Variants in ADCY1 observed in about 807,000 individuals in gnomAD.
ADCY1 encodes adenylate cyclase 1.
In ADCY1, 28 loss-of-function variants were observed where a neutral mutation model predicts 105.4. The observed-to-expected ratio is 0.27, with a 90% CI of 0.20 to 0.36. The LOEUF (loss-of-function observed/expected upper bound fraction) is 0.36. Ranked by LOEUF, ADCY1 falls within the 10% of genes least tolerant of loss-of-function variation. ADCY1 has a pLI of 1.00. For missense variants in ADCY1, 977 were observed against 1,434.2 expected (o/e 0.68, Z 5.15); for synonymous variants, 655 against 623.8 (o/e 1.05, Z -0.75).
Position 45,715,213 on chromosome 7 carries a change from T to C in ADCY1, c.*1218T>C, listed in dbSNP as rs1341424208. 1 of 152,270 alleles carries C rather than the reference T, an allele frequency of 6.6e-6. No homozygotes were observed. The highest frequency in any genetic ancestry group is 1.5e-5 in the Non-Finnish European group (1 of 68,124). 9.4% of individuals were successfully genotyped at this position (152,270 alleles called of 1,614,324 possible). ...CAGGAGGGCCACTGGGAAGGCACTA[T>C]CCAGAAATAGTGGACAGAGGTCTGG... On this transcript the variant is annotated 3_prime_UTR_variant, in exon 20 of 20. Coordinates refer to ENST00000297323, the MANE Select transcript of ADCY1 (RefSeq NM_021116.4).
chr7:45,623,346 G>A (rs1793957816), intron 4 of ADCY1, among the ~76,000 whole-genome samples: 1 of 152,230 alleles, frequency 6.6e-6, no homozygotes, highest in Non-Finnish European at 1.5e-5. Context: ...GGCTTGTAAC[G>A]TGCATGTTAG....
intron 14 of ADCY1, among the ~76,000 whole-genome samples, chr7:45,702,959 G>A (rs1490173972): frequency 6.6e-6 from 1 of 152,212 alleles, no homozygotes; most frequent in Non-Finnish European, 1.5e-5. Flanking sequence ...TTAGGAAGGT[G>A]TCTGCCCCAC....
intron 14 of ADCY1, among the ~76,000 whole-genome samples, chr7:45,700,551 C>G (rs1168889716): frequency 6.6e-6 from 1 of 152,178 alleles, no homozygotes; most frequent in Non-Finnish European, 1.5e-5. Flanking sequence ...GTGTGCACCT[C>G]AGGACACTGG....
Position 45,713,821 on chromosome 7 carries a change from C to A in ADCY1, c.3186C>A (p.Gly1062=), listed in dbSNP as rs777093653. The A allele has an allele frequency of 6.4e-6, 5 of 780,950 alleles. No homozygotes were observed. In the Admixed American group the frequency reaches 8.5e-5, roughly 13 times the overall value. 48.4% of individuals were successfully genotyped at this position (780,950 alleles called of 1,614,324 possible). A position where few individuals can be genotyped will look rare whatever the true frequency, so the allele number is the denominator to read the frequency against. The change falls in exon 20 of 20, where the codon GGC becomes GGA. Residue 1062 remains glycine, a synonymous_variant. Coordinates refer to ENST00000297323, the MANE Select transcript of ADCY1 (RefSeq NM_021116.4). ...YFLEGRTDGN[G]SQIRSLGLDR... ...TAGAAGGCAGGACTGATGGAAACGG[C>A]TCCCAAATCAGGTCCCTGGGCTTGG...
At chr7:45,675,522 T>G (rs1460238660) in intron 8 of ADCY1, among the ~76,000 whole-genome samples, 2 of 152,124 alleles carry the variant, frequency 1.3e-5, no homozygotes, top group Non-Finnish European at 2.9e-5. Flanking sequence ...CTTTTTTGTT[T>G]CAAGAATTTC....
At chr7:45,693,518 T>C (rs1784821737) in intron 14 of ADCY1, among the ~76,000 whole-genome samples, 1 of 147,002 alleles carries the variant, frequency 6.8e-6, no homozygotes, top group Non-Finnish European at 1.5e-5. Context: ...CAGAGCCTGT[T>C]ATTGGTCTAT....
intron 14 of ADCY1, among the ~76,000 whole-genome samples, chr7:45,692,778 A>C (rs375252270): frequency 6.6e-6 from 1 of 152,338 alleles, no homozygotes; most frequent in African/African-American, 2.4e-5. Context: ...ATGTATACAT[A>C]TAGGAAACCA....
rs1013749326 is a variant in ADCY1 at position 45,721,528 on chromosome 7, C to T, written c.*7533C>T. 1.0e-5 allele frequency: 4 copies of T among 396,630 alleles called. No individual in the cohort carries two copies. The highest frequency in any genetic ancestry group is 1.3e-5 in the Non-Finnish European group (3 of 225,414). The allele number at this position is 396,630 out of a possible 1,614,324, so 24.6% of individuals were successfully genotyped here. On this transcript the variant is annotated 3_prime_UTR_variant, in exon 20 of 20. Coordinates refer to ENST00000297323, the MANE Select transcript of ADCY1 (RefSeq NM_021116.4). ...GGCACCTCCAGACACCCTGAAACTA[C>T]ACACCATTTCTTCCCTGCTCAGCTT...
chr7:45,623,485 G>T (rs188291280), intron 4 of ADCY1, among the ~76,000 whole-genome samples: 2 of 152,326 alleles, frequency 1.3e-5, no homozygotes, highest in African/African-American at 4.8e-5. Flanking sequence ...AGAATGTGCT[G>T]TGTTTAGAGA....
At position 45,720,050 on chromosome 7, in the gene ADCY1, GCCCTCCAGCTC is replaced by G. The variant is rs1785441397; in HGVS notation, c.*6064_*6074del. The G allele has an allele frequency of 1.3e-5, 2 of 152,030 alleles. No homozygotes were observed. The highest frequency in any genetic ancestry group is 6.6e-5 in the Admixed American group (1 of 15,260). 9.4% of individuals were successfully genotyped at this position (152,030 alleles called of 1,614,324 possible). A position where few individuals can be genotyped will look rare whatever the true frequency, so the allele number is the denominator to read the frequency against. On this transcript the variant is annotated 3_prime_UTR_variant, in exon 20 of 20. Coordinates refer to ENST00000297323, the MANE Select transcript of ADCY1 (RefSeq NM_021116.4). ...GGGCGGTGACCGCTGCAGGAATTCGGCCCTCCAGCTCCCCTCCAGTTACCAGGAGCCGATTT... is the reference window on the plus strand; with the variant it reads ...GGGCGGTGACCGCTGCAGGAATTCGGCCCTCCAGTTACCAGGAGCCGATTT...
chr7:45,582,944 G>T (rs971352487), intron 1 of ADCY1, among the ~76,000 whole-genome samples: 1 of 152,206 alleles, frequency 6.6e-6, no homozygotes, highest in Non-Finnish European at 1.5e-5. Context: ...CATCTCCCTG[G>T]ATTAAAGGGA....
At chr7:45,659,032 G>A (rs1333707518) in intron 6 of ADCY1, among the ~76,000 whole-genome samples, 1 of 152,236 alleles carries the variant, frequency 6.6e-6, no homozygotes, top group Admixed American at 6.5e-5. Flanking sequence ...TGAGGCTGGA[G>A]TCAGAACCTG....
At chr7:45,586,965 G>C (rs1024036388) in intron 1 of ADCY1, among the ~76,000 whole-genome samples, 5 of 152,262 alleles carry the variant, frequency 3.3e-5, no homozygotes, top group Non-Finnish European at 7.3e-5. Flanking sequence ...AGGAGAGGCT[G>C]GTTTGGAGGA....
intron 19 of ADCY1, among the ~76,000 whole-genome samples, chr7:45,711,644 T>TATATATATATATATATAC (rs1189707139): frequency 3.9e-5 from 2 of 51,506 alleles, no homozygotes; most frequent in African/African-American, 1.3e-4. Context: ...TATATATATA[T>TATATATATATATATATAC]ACACACACAC....
intron 1 of ADCY1, among the ~76,000 whole-genome samples, chr7:45,589,200 G>T (rs983184417): frequency 9.2e-5 from 14 of 152,186 alleles, no homozygotes; most frequent in Non-Finnish European, 1.8e-4. Context: ...TGGGATGAGG[G>T]CCCGAGAGGG....
Position 45,686,286 on chromosome 7 carries a change from C to A in ADCY1, c.2327+71C>A. 1.3e-6 allele frequency: 2 copies of A among 1,542,450 alleles called. No homozygotes were observed. Among genetic ancestry groups the A allele is most frequent in the Non-Finnish European group, 1.8e-6 (2 of 1,141,374 alleles). On this transcript the variant is annotated intron_variant, in intron 13 of 19. Coordinates refer to ENST00000297323, the MANE Select transcript of ADCY1 (RefSeq NM_021116.4). The surrounding 1 kb of genome is among the most constrained non-coding windows in gnomAD (Gnocchi z 4.3). ...CTGAATCTGTGTATACAGATATGCA[C>A]TACAGGCTTCTGAGTCCAGAACTAG...
At chr7:45,601,433 C>T (rs2115821522) in intron 2 of ADCY1, among the ~76,000 whole-genome samples, 1 of 152,312 alleles carries the variant, frequency 6.6e-6, no homozygotes, top group East Asian at 1.9e-4. Context: ...CCTGAGCGCA[C>T]TGCACCCTTA....
rs1201212221 is a variant in ADCY1 at position 45,686,768 on chromosome 7, C to T, written c.2454+95C>T. On this transcript the variant is annotated intron_variant, in intron 14 of 19. Coordinates refer to ENST00000297323, the MANE Select transcript of ADCY1 (RefSeq NM_021116.4). The surrounding 1 kb of genome is among the most constrained non-coding windows in gnomAD (Gnocchi z 4.3). ...TGACGGGGGCTGCCACAGACACCCA[C>T]ACGCCGTATGGCCCTCGGAGGGCCC... 6.7e-7 allele frequency: 1 copy of T among 1,491,788 alleles called. No individual in the cohort carries two copies. The highest frequency in any genetic ancestry group is 1.4e-5 in the African/African-American group (1 of 72,376). 92.4% of individuals were successfully genotyped at this position (1,491,788 alleles called of 1,614,324 possible).
At chr7:45,684,750 TC>T (rs1212797903) in intron 11 of ADCY1, 8 of 425,198 alleles carry the variant, frequency 1.9e-5, no homozygotes, top group Middle Eastern at 6.3e-4. Flanking sequence ...GAAGTATTAT[TC>T]TTTGTAATTT....
Sources: gnomAD v4.1 joint callset for allele counts (sites outside exome capture counted in the v4.1 genomes callset) on GRCh38, gnomAD v4.1.1 for gene constraint, Gnocchi (gnomAD v3.1) non-coding constraint, MANE v1.5 for transcripts, NCBI Gene and HGNC (gene_info 2026-07-23, HGNC 2026-07-21) for gene names.